GPRC6A: variants seen among roughly 807,000 people sequenced by gnomAD.
The protein encoded by GPRC6A is G protein-coupled receptor family C group 6 member A.
Under a neutral mutation model 47.0 loss-of-function variants are expected in GPRC6A, and 54 were observed. The ratio of observed to expected loss-of-function variants is 1.15; its 90% CI spans 0.92 to 1.44. The LOEUF (loss-of-function observed/expected upper bound fraction) is 1.44, where lower values mean the gene tolerates loss of function less well. GPRC6A is among the 40% of genes most tolerant of loss of function. The probability of loss-of-function intolerance (pLI) is 0.00; values close to 1 mark genes in which losing one functional copy is unlikely to be tolerated. For synonymous variants in GPRC6A, 347 were observed against 377.1 expected (o/e 0.92, Z 0.93); for missense variants, 1,112 against 1,105.5 (o/e 1.01, Z -0.08).
chr6:116,801,437 A>G (rs1772672312), intron 3 of GPRC6A, among the ~76,000 whole-genome samples: 1 of 152,248 alleles, frequency 6.6e-6, no homozygotes, highest in African/African-American at 2.4e-5. Context: ...ATGTAGGGAA[A>G]CAGGCTGCTG....
rs561123413 is a variant in GPRC6A, at chr6:116,824,760, A to G, written c.194+4060T>C. Among the ~76,000 whole-genome samples, 9 of 152,104 alleles carry G rather than the reference A, an allele frequency of 5.9e-5. No individual in the cohort carries two copies. In the South Asian group the frequency reaches 1.7e-3, roughly 28 times the overall value. Reference sequence around the variant, plus strand: ...CATTCTATGAGGCCAGCATTACCCTAATGCCAAAACCAGATAAGGACACAA... The same window carrying G: ...CATTCTATGAGGCCAGCATTACCCTGATGCCAAAACCAGATAAGGACACAA... On this transcript the variant is annotated intron_variant, in intron 1 of 5. Coordinates refer to ENST00000310357, the MANE Select transcript of GPRC6A (RefSeq NM_148963.4).
chr6:116,825,351 A>G (rs1773647744), intron 1 of GPRC6A, among the ~76,000 whole-genome samples: 1 of 152,088 alleles, frequency 6.6e-6, no homozygotes, highest in Non-Finnish European at 1.5e-5. Flanking sequence ...AGACTCCACA[A>G]AAATCCTCTT....
intron 1 of GPRC6A, among the ~76,000 whole-genome samples, chr6:116,818,902 C>T (rs1436025705): frequency 6.6e-6 from 1 of 152,012 alleles, no homozygotes; most frequent in African/African-American, 2.4e-5. Flanking sequence ...AATTAAAAGA[C>T]ACAGACTGGC....
chr6:116,814,623 G>C (rs1374025953), intron 1 of GPRC6A, among the ~76,000 whole-genome samples: 1 of 152,128 alleles, frequency 6.6e-6, no homozygotes. Context: ...GGATGGGGGA[G>C]GGATAGCATT....
chr6:116,816,819 C>T (rs1182038781), intron 1 of GPRC6A, among the ~76,000 whole-genome samples: 2 of 152,250 alleles, frequency 1.3e-5, no homozygotes, highest in Non-Finnish European at 2.9e-5. Flanking sequence ...GAATACTGCG[C>T]TTTTCTGACA....
In GPRC6A at chr6:116,800,757, A is replaced by C; in HGVS notation, c.1375T>G (p.Trp459Gly). The stretch of plus-strand genomic sequence containing the variant: ...TGAGCATCAAAATGAAATGAATTCC[A>C]TCCATCAGTGAATGTCACATTTTTT... Reference protein sequence around the residue: ...VLKNVTFTDGWNSFHFDAHGD... With the variant: ...VLKNVTFTDGGNSFHFDAHGD... The change falls in exon 4 of 6, where the codon TGG becomes GGG. Residue 459 changes from tryptophan to glycine, a missense_variant. Coordinates refer to ENST00000310357, the MANE Select transcript of GPRC6A (RefSeq NM_148963.4). 6.2e-7 allele frequency: 1 copy of C among 1,610,900 alleles called. No individual in the cohort carries two copies. Among genetic ancestry groups the C allele is most frequent in the Non-Finnish European group, 8.5e-7 (1 of 1,177,894 alleles).
At position 116,792,153 on chromosome 6, in the gene GPRC6A, A is replaced by G; in HGVS notation, c.2770T>C (p.Ser924Pro). Residue 924 changes from serine (S) to proline (P), a missense_variant, in exon 6 of 6, where the codon TCA becomes CCA. Coordinates refer to ENST00000310357, the MANE Select transcript of GPRC6A (RefSeq NM_148963.4). ...CTCCTAAGGCTTATTCATATACTTG[A>G]CATTCTTTTTCGAGGCAAAGTTTTA... ...VSKTLPRKRM[S>P]SI 6.2e-7 allele frequency: 1 copy of G among 1,612,450 alleles called. No individual in the cohort carries two copies. The highest frequency in any genetic ancestry group is 8.5e-7 in the Non-Finnish European group (1 of 1,178,964).
chr6:116,823,863 G>T (rs1460180162), intron 1 of GPRC6A, among the ~76,000 whole-genome samples: 1 of 152,092 alleles, frequency 6.6e-6, no homozygotes, highest in Non-Finnish European at 1.5e-5. Context: ...GAGGAAGAAA[G>T]AGGGAGGGGA....
intron 4 of GPRC6A, among the ~76,000 whole-genome samples, chr6:116,798,973 C>T (rs1207778899): frequency 2.0e-5 from 3 of 151,102 alleles, no homozygotes; most frequent in Non-Finnish European, 4.4e-5. Flanking sequence ...GTGATTGTAA[C>T]AGCAGTGGAG....
chr6:116,800,242 CTT>C (rs1367655954), intron 4 of GPRC6A, among the ~76,000 whole-genome samples: 1 of 111,758 alleles, frequency 8.9e-6, no homozygotes, highest in African/African-American at 3.5e-5. Flanking sequence ...CTCTTTCCTT[CTT>C]TCTCTCTCTC....
intron 4 of GPRC6A, among the ~76,000 whole-genome samples, chr6:116,797,294 T>C (rs1030401317): frequency 2.0e-5 from 3 of 152,164 alleles, no homozygotes; most frequent in African/African-American, 4.8e-5. Context: ...TGTTGGACAT[T>C]TCCGAGATAA....
Position 116,809,725 on chromosome 6 carries a change from C to G in GPRC6A, c.195-108G>C, listed in dbSNP as rs898433957. 3.2e-5 allele frequency: 22 copies of G among 680,812 alleles called. 2 individuals are homozygous for G. Among genetic ancestry groups the G allele is most frequent in the East Asian group, 1.8e-4 (7 of 38,354 alleles). The allele number at this position is 680,812 out of a possible 1,614,324, so 42.2% of individuals were successfully genotyped here. On this transcript the variant is annotated intron_variant, in intron 1 of 5. Coordinates refer to ENST00000310357, the MANE Select transcript of GPRC6A (RefSeq NM_148963.4). ...CATAGCAATTTCTGGATGAGTGAAG[C>G]TTATCTCTTAAATGATCTAAATTTT...
chr6:116,812,820 C>T (rs536525300), intron 1 of GPRC6A, among the ~76,000 whole-genome samples: 27 of 152,250 alleles, frequency 1.8e-4, no homozygotes, highest in African/African-American at 6.3e-4. Flanking sequence ...GTTAAATTGT[C>T]CCTGTTGGCA....
rs1772956782 is a variant in GPRC6A at position 116,809,489 on chromosome 6, A to G, written c.323T>C (p.Val108Ala). The change falls in exon 2 of 6, where the codon GTG becomes GCG. Residue 108 changes from valine to alanine, a missense_variant. By Grantham distance (64) the Val-to-Ala change is moderately conservative. Coordinates refer to ENST00000310357, the MANE Select transcript of GPRC6A (RefSeq NM_148963.4). Reference sequence around the variant, plus strand: ...AAACCTCAGAGTGGCTGCCATTGCCACTGTGACTTCTGTACAAGTGTCATA... The same window carrying G: ...AAACCTCAGAGTGGCTGCCATTGCCGCTGTGACTTCTGTACAAGTGTCATA... ...EIYDTCTEVTVAMAATLRFLS... is the reference protein window; with the variant it reads ...EIYDTCTEVTAAMAATLRFLS... 1 of 1,613,678 alleles carries G rather than the reference A, an allele frequency of 6.2e-7. No homozygotes were observed. The highest frequency in any genetic ancestry group is 1.3e-5 in the African/African-American group (1 of 75,012).
rs1172591481 is a variant in GPRC6A, at chr6:116,807,191, T to C, written c.514A>G (p.Thr172Ala). The change falls in exon 3 of 6, where the codon ACT becomes GCT. Residue 172 changes from threonine to alanine, a missense_variant. Transcript: ENST00000310357. The part of the protein sequence containing the change: ...QLMPQVGYES[T>A]AEILSDKIRF... The stretch of plus-strand genomic sequence containing the variant: ...ATTTTGTCACTCAGGATTTCTGCAG[T>C]TGATTCATAACCCACCTGGAAATAG... 1.2e-6 allele frequency: 2 copies of C among 1,610,266 alleles called. No homozygotes were observed. The highest frequency in any genetic ancestry group is 2.2e-5 in the East Asian group (1 of 44,864).
intron 1 of GPRC6A, among the ~76,000 whole-genome samples, chr6:116,820,388 G>A (rs1414374276): frequency 4.0e-5 from 6 of 151,878 alleles, no homozygotes; most frequent in Non-Finnish European, 7.4e-5. Context: ...TACCAAAGCT[G>A]GGCAGAGACA....
chr6:116,798,267 G>C (rs747117069), intron 4 of GPRC6A, among the ~76,000 whole-genome samples: 1 of 152,166 alleles, frequency 6.6e-6, no homozygotes, highest in Non-Finnish European at 1.5e-5. Flanking sequence ...CACTGAGGTG[G>C]TGACATTTTA....
chr6:116,800,722 T>A lies in GPRC6A; in HGVS notation c.1410A>T (p.Leu470Phe), dbSNP rs1284615549. Residue 470 changes from leucine to phenylalanine, a missense_variant, in exon 4 of 6, where the codon TTA becomes TTT. Transcript: ENST00000310357. ...NSFHFDAHGD[L>F]NTGYDVVLWK... ...AGAGCACAACATCATATCCAGTATT[T>A]AAATCCCCGTGAGCATCAAAATGAA... is the stretch of plus-strand genomic sequence containing the variant. 6.2e-7 allele frequency: 1 copy of A among 1,611,770 alleles called. No individual in the cohort carries two copies.
intron 1 of GPRC6A, among the ~76,000 whole-genome samples, chr6:116,820,406 A>G (rs1428158358): frequency 6.6e-6 from 1 of 152,104 alleles, no homozygotes; most frequent in Admixed American, 6.5e-5. Context: ...ACACAACCAA[A>G]AAAGAGAATT....
Sources: gnomAD v4.1 joint callset for allele counts (sites outside exome capture counted in the v4.1 genomes callset) on GRCh38, gnomAD v4.1.1 for gene constraint, MANE v1.5 for transcripts, NCBI Gene and HGNC (gene_info 2026-07-23, HGNC 2026-07-21) for gene names.